The following CHN2 variants were observed in gnomAD, a reference collection of about 807,000 sequenced individuals.
CHN2 encodes the protein chimerin 2.
In CHN2, 35 loss-of-function variants were observed where a neutral mutation model predicts 56.3. The ratio of observed to expected loss-of-function variants is 0.62; its 90% CI spans 0.47 to 0.82. The LOEUF is 0.82. Among genes scored for constraint, CHN2 ranks in the 40% least tolerant of loss-of-function variants. The pLI, the probability that CHN2 is intolerant of heterozygous loss-of-function variation, is 0.00. For synonymous variants in CHN2, 210 were observed against 212.8 expected, an observed-to-expected ratio of 0.99 and a Z score of 0.12; for missense variants, 491 against 580.5, an observed-to-expected ratio of 0.85 and a Z score of 1.58.
chr7:29,380,328 A>G (rs1467534531), intron 3 of CHN2, among the ~76,000 whole-genome samples: 1 of 152,178 alleles, frequency 6.6e-6, no homozygotes, highest in Non-Finnish European at 1.5e-5. Context: ...AAGCACAAAT[A>G]CCTATATAGA....
chr7:29,439,518 T>C (rs1474714159), intron 6 of CHN2, among the ~76,000 whole-genome samples: 1 of 152,160 alleles, frequency 6.6e-6, no homozygotes, highest in Non-Finnish European at 1.5e-5. Flanking sequence ...GGCTCCAGTG[T>C]CGCCCCTCTA....
intron 6 of CHN2, 30 bp downstream of exon 6, chr7:29,400,858 C>G: frequency 5.0e-6 from 8 of 1,603,660 alleles, no homozygotes; most frequent in Non-Finnish European, 6.8e-6. Context: ...AGCAGCCTTT[C>G]GTTTTAATCC....
intron 2 of CHN2, among the ~76,000 whole-genome samples, chr7:29,360,608 C>CT (rs1169895944): frequency 1.3e-5 from 2 of 152,210 alleles, no homozygotes; most frequent in African/African-American, 2.4e-5. Context: ...AGGAAGACAC[C>CT]TAAAGCACCT....
At chr7:29,441,806 A>G (rs1244723591) in intron 6 of CHN2, among the ~76,000 whole-genome samples, 1 of 152,222 alleles carries the variant, frequency 6.6e-6, no homozygotes, top group Non-Finnish European at 1.5e-5. Context: ...ATGTGGAGAA[A>G]TCAGAACCTT....
intron 1 of CHN2, among the ~76,000 whole-genome samples, chr7:29,222,256 G>C (rs1785862919): frequency 6.6e-6 from 1 of 152,162 alleles, no homozygotes; most frequent in Admixed American, 6.5e-5. Context: ...TGGATAGCAA[G>C]AATCAATATC....
intron 6 of CHN2, among the ~76,000 whole-genome samples, chr7:29,468,272 AC>A (rs36017654): frequency 2.6e-5 from 4 of 151,210 alleles, no homozygotes; most frequent in African/African-American, 9.7e-5. Flanking sequence ...AGCAGGACTG[AC>A]CCCCAGGCAG....
intron 7 of CHN2, among the ~76,000 whole-genome samples, chr7:29,485,503 A>C (rs1787858176): frequency 6.6e-6 from 1 of 152,184 alleles, no homozygotes; most frequent in African/African-American, 2.4e-5. Context: ...GATCCTGTGT[A>C]AGAGACAGTG....
At chr7:29,266,795 C>T (rs1790182057) in intron 1 of CHN2, among the ~76,000 whole-genome samples, 1 of 152,190 alleles carries the variant, frequency 6.6e-6, no homozygotes, top group Non-Finnish European at 1.5e-5. Context: ...CTGCCTTTCT[C>T]CTTGCTGCCA....
At chr7:29,351,530 TA>T (rs1283207171) in intron 1 of CHN2, among the ~76,000 whole-genome samples, 2 of 152,030 alleles carry the variant, frequency 1.3e-5, no homozygotes, top group African/African-American at 2.4e-5. Context: ...GTGACTGGCA[TA>T]GGGGGAAGGC....
rs1554378159 is a variant in CHN2, at chr7:29,252,590, T to TTGTTTTGTTTTGTTTTG, written c.49+57601_49+57602insGTTTTGTTTTGTTTTGT. 6.3e-4 allele frequency among the ~76,000 whole-genome samples: 20 copies of TTGTTTTGTTTTGTTTTG among 31,928 alleles called. 1 individual carries two copies. Among genetic ancestry groups the TTGTTTTGTTTTGTTTTG allele is most frequent in the South Asian group, 6.1e-3 (6 of 976 alleles). The allele number at this position is 31,928 out of a possible 152,430, so 20.9% of individuals were successfully genotyped here. A position where few individuals can be genotyped will look rare whatever the true frequency, so the allele number is the denominator to read the frequency against. On this transcript the variant is annotated intron_variant, in intron 1 of 12. Transcript: ENST00000222792. ...AATTGCATTCTTTGTTTTTTTTTTT[T>TTGTTTTGTTTTGTTTTG]TTTTTTTTTTTTTTTTGAGACGGAG...
intron 12 of CHN2, among the ~76,000 whole-genome samples, chr7:29,512,358 T>C (rs956383640): frequency 1.5e-4 from 23 of 152,178 alleles, no homozygotes; most frequent in Admixed American, 4.6e-4. Flanking sequence ...GTAATTCATT[T>C]CCACCGGCGA....
chr7:29,428,707 A>G (rs1463110198), intron 6 of CHN2, among the ~76,000 whole-genome samples: 1 of 152,204 alleles, frequency 6.6e-6, no homozygotes, highest in Non-Finnish European at 1.5e-5. Flanking sequence ...GTTTGAGCCA[A>G]TATGGTTAAT....
intron 6 of CHN2, among the ~76,000 whole-genome samples, chr7:29,474,110 G>C (rs529538650): frequency 2.0e-5 from 3 of 152,034 alleles, no homozygotes; most frequent in Non-Finnish European, 4.4e-5. Flanking sequence ...GATATTTTCT[G>C]TGCATACCTA....
chr7:29,192,203 C>T (rs1782973243), upstream of CHN2: 2 of 152,290 alleles, frequency 1.3e-5, no homozygotes, highest in South Asian at 4.1e-4. Flanking sequence ...TCTTCTGGCC[C>T]CAGGATCCAG....
chr7:29,279,920 TA>T lies in CHN2; in HGVS notation c.50-74703del, dbSNP rs1195706475. Among the ~76,000 whole-genome samples the T allele has an allele frequency of 6.6e-5, 10 of 152,178 alleles. No individual in the cohort carries two copies. The East Asian group carries it at 1.9e-3, about 29-fold the overall frequency. On this transcript the variant is annotated intron_variant, in intron 1 of 12. Transcript: ENST00000222792. ...TGGGGGTCTGAATTAGGGTGGTGGG[TA>T]AGAAAAGAAGCAGGGGTCCTAGTAA...
chr7:29,281,801 G>A (rs1791740380), intron 1 of CHN2, among the ~76,000 whole-genome samples: 1 of 152,174 alleles, frequency 6.6e-6, no homozygotes, highest in Non-Finnish European at 1.5e-5. Context: ...TTTATCAGGG[G>A]TTGTTTTGAC....
intron 9 of CHN2, among the ~76,000 whole-genome samples, chr7:29,503,516 A>G (rs1390409563): frequency 6.6e-6 from 1 of 152,220 alleles, no homozygotes; most frequent in African/African-American, 2.4e-5. Flanking sequence ...ACTCCAGTTG[A>G]TCAGTAGTGG....
intron 2 of CHN2, among the ~76,000 whole-genome samples, chr7:29,157,836 TA>T (rs111855752): frequency 1.3e-3 from 190 of 148,906 alleles, no homozygotes; most frequent in Non-Finnish European, 2.4e-3. Flanking sequence ...AGGAGGATGC[TA>T]AAAAAAAAAT....
intron 1 of CHN2, among the ~76,000 whole-genome samples, chr7:29,336,758 T>C (rs1331740205): frequency 9.1e-5 from 3 of 33,072 alleles, no homozygotes; most frequent in African/African-American, 2.7e-4. Flanking sequence ...AGATTCTGTC[T>C]CAAAAAAAAA....
Sources: allele counts gnomAD v4.1 joint callset (sites outside exome capture counted in the v4.1 genomes callset), GRCh38; gene constraint gnomAD v4.1.1; transcripts MANE v1.5; gene names NCBI Gene and HGNC (gene_info 2026-07-23, HGNC 2026-07-21).